Variants in GET1 observed in about 807,000 individuals in gnomAD.
GET1 encodes congenital heart disease 5 protein.
Under a neutral mutation model 22.6 loss-of-function variants are expected in GET1, and 20 were observed. The observed-to-expected ratio is 0.89, with a 90% CI of 0.62 to 1.29. The LOEUF (loss-of-function observed/expected upper bound fraction) is 1.29, where lower values mean the gene tolerates loss of function less well. Among genes scored for constraint, GET1 ranks in the 50% most tolerant of loss-of-function variants. The pLI, the probability that GET1 is intolerant of heterozygous loss-of-function variation, is 0.00. For missense variants in GET1, 209 were observed against 219.9 expected (o/e 0.95, Z 0.31); for synonymous variants, 92 against 83.8 (o/e 1.10, Z -0.53).
downstream of GET1, chr21:39,410,224 A>ATGTT (rs2039849844): frequency 7.6e-7 from 1 of 1,318,660 alleles, no homozygotes; most frequent in Admixed American, 1.8e-5. Flanking sequence ...TTGTTAAGAC[A>ATGTT]TGTTTAATCA....
At chr21:39,392,882 ACAGTG>A in intron 3 of GET1, 25 of 373,846 alleles carry the variant, frequency 6.7e-5, no homozygotes, top group South Asian at 2.3e-4. Flanking sequence ...TCATCCTAAA[ACAGTG>A]AAATGCCAGT....
intron 4 of GET1, among the ~76,000 whole-genome samples, chr21:39,405,231 C>T (rs536568721): frequency 1.3e-5 from 2 of 152,258 alleles, no homozygotes; most frequent in African/African-American, 4.8e-5. Flanking sequence ...CGGTCTCACT[C>T]CGATTGCCCA....
At chr21:39,396,813 A>T in intron 4 of GET1, 53 bp from the exon 5 acceptor site, 3 of 1,513,864 alleles carry the variant, frequency 2.0e-6, no homozygotes, top group Non-Finnish European at 2.8e-6. Flanking sequence ...GCAGAGACAG[A>T]TGGGGGCAGC....
chr21:39,401,573 A>T (rs1348572675), downstream of GET1, among the ~76,000 whole-genome samples: 1 of 152,160 alleles, frequency 6.6e-6, no homozygotes, highest in Admixed American at 6.5e-5. Context: ...TGAATCTGTA[A>T]AAATACATTG....
chr21:39,390,837 A>G lies in GET1; in HGVS notation c.242A>G (p.Lys81Arg). 1.2e-6 allele frequency: 2 copies of G among 1,614,206 alleles called. No homozygotes were observed. The highest frequency in any genetic ancestry group is 1.7e-6 in the Non-Finnish European group (2 of 1,180,038). ...GCCAGGCTGGAAAGAAAGATCAACA[A>G]GATGACGGATAAGCTCAAAACCCAT... The part of the protein sequence containing the change: ...RYARLERKIN[K>R]MTDKLKTHVK... Residue 81 changes from lysine (K) to arginine (R), a missense_variant, in exon 2 of 5, where the codon AAG (lysine) becomes AGG (arginine). Coordinates refer to ENST00000649170, the MANE Select transcript of GET1 (RefSeq NM_004627.6).
At chr21:39,383,619 C>A (rs2037705482) in intron 1 of GET1, among the ~76,000 whole-genome samples, 1 of 149,016 alleles carries the variant, frequency 6.7e-6, no homozygotes, top group African/African-American at 2.5e-5. Context: ...CTCTCTGTCA[C>A]CCAGGCTGGA....
downstream of GET1, chr21:39,397,977 A>G (rs1209951191): frequency 2.0e-5 from 3 of 152,348 alleles, no homozygotes; most frequent in East Asian, 5.8e-4. Context: ...GACTGTGAGA[A>G]GACAAAGTGC....
downstream of GET1, chr21:39,410,320 T>C (rs2039870822): frequency 2.5e-6 from 4 of 1,611,372 alleles, no homozygotes; most frequent in South Asian, 1.1e-5. Context: ...CTCATACTTG[T>C]GAATGGCAAA....
chr21:39,391,257 G>A (rs1601621928), intron 2 of GET1: 1 of 217,984 alleles, frequency 4.6e-6, no homozygotes, highest in East Asian at 1.3e-4. Context: ...TCTTCTGAGT[G>A]TCACCTCCCG....
chr21:39,387,873 G>A (rs1292384777), intron 1 of GET1: 7 of 851,576 alleles, frequency 8.2e-6, no homozygotes, highest in Non-Finnish European at 9.7e-6. Context: ...GGAAGGGGGA[G>A]GGGGGGGGAT....
At chr21:39,385,207 C>T (rs1314654396) in intron 1 of GET1, among the ~76,000 whole-genome samples, 2 of 152,130 alleles carry the variant, frequency 1.3e-5, no homozygotes, top group Non-Finnish European at 2.9e-5. Flanking sequence ...TTATAACCTC[C>T]GTTGGGATGT....
At chr21:39,419,333 T>G (rs2041862048) in intron 1 of GET1, among the ~76,000 whole-genome samples, 1 of 152,080 alleles carries the variant, frequency 6.6e-6, no homozygotes, top group South Asian at 2.1e-4. Flanking sequence ...GAGACCAGCC[T>G]GGGCAACACA....
intron 1 of GET1, chr21:39,411,824 A>G (rs775123062): frequency 6.8e-5 from 94 of 1,377,548 alleles, no homozygotes; most frequent in Non-Finnish European, 8.9e-5. Flanking sequence ...CACAAAACCA[A>G]TTTTTCTATA....
intron 4 of GET1, among the ~76,000 whole-genome samples, chr21:39,394,275 G>T (rs1390097004): frequency 6.6e-6 from 1 of 152,194 alleles, no homozygotes; most frequent in Non-Finnish European, 1.5e-5. Context: ...AGTGAGCTGA[G>T]ATCACGCCAG....
chr21:39,395,000 G>A (rs1408166843), intron 4 of GET1, among the ~76,000 whole-genome samples: 1 of 151,820 alleles, frequency 6.6e-6, no homozygotes, highest in Non-Finnish European at 1.5e-5. Context: ...CTCCTGAATA[G>A]TTAGGATCAC....
downstream of GET1, among the ~76,000 whole-genome samples, chr21:39,398,759 G>A (rs905784408): frequency 5.3e-5 from 8 of 151,868 alleles, no homozygotes; most frequent in South Asian, 2.1e-4. Context: ...GATTACAGGC[G>A]CCCGCCGTCA....
intron 1 of GET1, chr21:39,423,430 T>A (rs753208196): frequency 4.4e-6 from 7 of 1,596,840 alleles, no homozygotes; most frequent in Non-Finnish European, 5.1e-6. Flanking sequence ...CATATGGATT[T>A]GAGAATTAAA....
intron 1 of GET1, chr21:39,387,877 G>A (rs926872895): frequency 2.1e-6 from 2 of 973,336 alleles, no homozygotes; most frequent in Non-Finnish European, 2.4e-6. Context: ...GGGGGAGGGG[G>A]GGGGATCTGA....
At chr21:39,380,537 C>G (rs557761341) in intron 1 of GET1, 51 bp downstream of exon 1, 75 of 1,575,712 alleles carry the variant, frequency 4.8e-5, no homozygotes, top group Non-Finnish European at 6.5e-5. Flanking sequence ...CGCCCCAGTC[C>G]CCCGGCGGGT....
Sources: gnomAD v4.1 joint callset for allele counts (sites outside exome capture counted in the v4.1 genomes callset) on GRCh38, gnomAD v4.1.1 for gene constraint, MANE v1.5 for transcripts, NCBI Gene and HGNC (gene_info 2026-07-23, HGNC 2026-07-21) for gene names.